Variants in PLAAT3 observed in about 807,000 individuals in gnomAD.
PLAAT3 encodes phospholipase A and acyltransferase 3.
PLAAT3 carries 21 observed loss-of-function variants against 16.7 expected under a neutral mutation model. The ratio of observed to expected loss-of-function variants is 1.26; its 90% CI spans 0.89 to 1.81. The LOEUF (loss-of-function observed/expected upper bound fraction) is 1.81. Ranked by LOEUF, PLAAT3 falls within the 40% of genes most tolerant of loss-of-function variation. The pLI, the probability that PLAAT3 is intolerant of heterozygous loss-of-function variation, is 0.00. For missense variants in PLAAT3, 219 were observed against 213.7 expected (o/e 1.02, Z -0.16); for synonymous variants, 76 against 81.7 (o/e 0.93, Z 0.38).
intron 3 of PLAAT3, among the ~76,000 whole-genome samples, chr11:63,594,957 A>G (rs1938249396): frequency 6.6e-6 from 1 of 152,072 alleles, no homozygotes; most frequent in South Asian, 2.1e-4. Context: ...TACTACTGAT[A>G]GGGTGAGGCC....
upstream of PLAAT3, chr11:63,616,258 GT>G (rs1938869578): frequency 6.6e-6 from 1 of 151,104 alleles, no homozygotes; most frequent in Non-Finnish European, 1.5e-5. Context: ...ACACCCCCCT[GT>G]TCCCCCCAAC....
intron 4 of PLAAT3, among the ~76,000 whole-genome samples, chr11:63,583,800 T>TC (rs937263530): frequency 3.0e-4 from 46 of 151,512 alleles, no homozygotes; most frequent in Non-Finnish European, 1.5e-5. Flanking sequence ...AGAAGACTGT[T>TC]TTTTTTTTAA....
intron 2 of PLAAT3, among the ~76,000 whole-genome samples, chr11:63,599,020 C>T (rs1370877092): frequency 2.6e-5 from 4 of 152,132 alleles, no homozygotes; most frequent in Non-Finnish European, 4.4e-5. Flanking sequence ...TTCAAGATCC[C>T]ATCCATTCAA....
chr11:63,575,424 A>G (rs190387628), intron 4 of PLAAT3, among the ~76,000 whole-genome samples: 15 of 152,324 alleles, frequency 9.8e-5, no homozygotes, highest in African/African-American at 3.4e-4. Flanking sequence ...AGGAATTGTT[A>G]TTGAGTAGTC....
At position 63,577,660 on chromosome 11, in the gene PLAAT3, C is replaced by A. The variant is rs192072822; in HGVS notation, c.388-2614G>T. Among the ~76,000 whole-genome samples, 133 of 152,202 alleles carry A rather than the reference C, an allele frequency of 8.7e-4. 1 individual carries two copies. The highest frequency in any genetic ancestry group is 1.7e-3 in the Non-Finnish European group (114 of 68,016). On this transcript the variant is annotated intron_variant, in intron 4 of 4. Coordinates refer to ENST00000415826, the MANE Select transcript of PLAAT3 (RefSeq NM_001128203.2). ...TGGCTAAGATCAAGTATAAAAATTA[C>A]CACTGGAGAATAAGACAGCATATTG...
At chr11:63,608,218 G>C (rs1220455124) in intron 2 of PLAAT3, among the ~76,000 whole-genome samples, 1 of 152,158 alleles carries the variant, frequency 6.6e-6, no homozygotes, top group African/African-American at 2.4e-5. Context: ...AAAGTTCCCA[G>C]GTGATTCTAC....
chr11:63,582,012 C>G (rs1335430051), intron 4 of PLAAT3, among the ~76,000 whole-genome samples: 1 of 152,174 alleles, frequency 6.6e-6, no homozygotes, highest in African/African-American at 2.4e-5. Flanking sequence ...TTCTGGCCCA[C>G]AGAACTGTTG....
chr11:63,595,797 G>A (rs1938273602), intron 3 of PLAAT3, among the ~76,000 whole-genome samples: 1 of 152,182 alleles, frequency 6.6e-6, no homozygotes, highest in African/African-American at 2.4e-5. Context: ...AGAGAAGGGT[G>A]AGGAATTCTC....
chr11:63,604,981 G>C (rs1938520162), intron 2 of PLAAT3, among the ~76,000 whole-genome samples: 1 of 152,072 alleles, frequency 6.6e-6, no homozygotes, highest in Non-Finnish European at 1.5e-5. Context: ...GGCTAAGCGT[G>C]GTTTTTGTGA....
intron 4 of PLAAT3, among the ~76,000 whole-genome samples, chr11:63,575,933 C>T (rs781108259): frequency 6.6e-6 from 1 of 152,124 alleles, no homozygotes; most frequent in Non-Finnish European, 1.5e-5. Context: ...GAAGTCTGAA[C>T]GTTTATTCTT....
chr11:63,613,569 C>G (rs938034387), intron 2 of PLAAT3, among the ~76,000 whole-genome samples: 3 of 152,240 alleles, frequency 2.0e-5, no homozygotes, highest in Non-Finnish European at 2.9e-5. Context: ...TGCGGTCCGG[C>G]CAGGCGGAAG....
At chr11:63,615,048 ATATG>A (rs1238888820), upstream of PLAAT3, among the ~76,000 whole-genome samples, 2 of 40,126 alleles carry the variant, frequency 5.0e-5, no homozygotes, top group Admixed American at 3.9e-4. Flanking sequence ...ATATGTATAT[ATATG>A]TGTATATATA....
At chr11:63,579,460 C>A (rs1263241005) in intron 4 of PLAAT3, among the ~76,000 whole-genome samples, 1 of 152,036 alleles carries the variant, frequency 6.6e-6, no homozygotes, top group African/African-American at 2.4e-5. Context: ...ATAGCAAAGA[C>A]TTGGAACCAA....
At chr11:63,583,436 T>C (rs113492571) in intron 4 of PLAAT3, among the ~76,000 whole-genome samples, 17 of 152,240 alleles carry the variant, frequency 1.1e-4, no homozygotes, top group Admixed American at 4.6e-4. Context: ...CAAAAGCTGA[T>C]GCAACTGGTT....
intron 3 of PLAAT3, among the ~76,000 whole-genome samples, chr11:63,595,817 C>A (rs1411030512): frequency 6.6e-6 from 1 of 152,094 alleles, no homozygotes; most frequent in Non-Finnish European, 1.5e-5. Flanking sequence ...CACAAGAGTT[C>A]TCCAAGTTAA....
intron 4 of PLAAT3, among the ~76,000 whole-genome samples, chr11:63,589,686 C>A (rs963207682): frequency 6.6e-6 from 1 of 152,118 alleles, no homozygotes; most frequent in Non-Finnish European, 1.5e-5. Flanking sequence ...AGACAGGTAC[C>A]AGGTCTGGAG....
At chr11:63,580,979 G>A (rs1937795622) in intron 4 of PLAAT3, among the ~76,000 whole-genome samples, 1 of 152,176 alleles carries the variant, frequency 6.6e-6, no homozygotes, top group Admixed American at 6.5e-5. Flanking sequence ...TGTCTTTACT[G>A]CAATCTCTGA....
chr11:63,613,303 C>T (rs1271428206), intron 2 of PLAAT3, among the ~76,000 whole-genome samples: 2 of 151,852 alleles, frequency 1.3e-5, no homozygotes, highest in African/African-American at 4.8e-5. Context: ...CCCAGCTACT[C>T]GGTAGGCTGA....
At position 63,598,198 on chromosome 11, in the gene PLAAT3, A is replaced by G. The variant is rs1163513035; in HGVS notation, c.16-35T>C. On this transcript the variant is annotated intron_variant, in intron 2 of 4. Coordinates refer to ENST00000415826, the MANE Select transcript of PLAAT3 (RefSeq NM_001128203.2). ...CAAGAACAGGGCTGTTAGAGGGAGC[A>G]TGAGATCGTGGAACCAGGACAGGGC... 2.1e-6 allele frequency: 3 copies of G among 1,455,428 alleles called. No individual in the cohort carries two copies. In the East Asian group the frequency reaches 6.8e-5, roughly 33 times the overall value. 90.2% of individuals were successfully genotyped at this position (1,455,428 alleles called of 1,614,324 possible). A position where few individuals can be genotyped will look rare whatever the true frequency, so the allele number is the denominator to read the frequency against.
Sources: allele counts gnomAD v4.1 joint callset (sites outside exome capture counted in the v4.1 genomes callset), GRCh38; gene constraint gnomAD v4.1.1; transcripts MANE v1.5; gene names NCBI Gene and HGNC (gene_info 2026-07-23, HGNC 2026-07-21).